Variants in ST6GALNAC3 observed in about 807,000 individuals in gnomAD.
ST6GALNAC3 encodes ST6 N-acetylgalactosaminide alpha-2,6-sialyltransferase 3, also known as alpha-N-acetylgalactosaminide alpha-2,6-sialyltransferase 3.
In ST6GALNAC3, 25 loss-of-function variants were observed where a neutral mutation model predicts 32.7. The ratio of observed to expected loss-of-function variants is 0.76; its 90% CI spans 0.56 to 1.07. ST6GALNAC3 has a LOEUF of 1.07. Ranked by LOEUF, ST6GALNAC3 falls within the 50% of genes least tolerant of loss-of-function variation. The pLI is 0.00. For synonymous variants in ST6GALNAC3, 129 were observed against 133.1 expected, an observed-to-expected ratio of 0.97 and a Z score of 0.21; for missense variants, 355 against 382.4, an observed-to-expected ratio of 0.93 and a Z score of 0.60.
rs1646788315 is a variant in ST6GALNAC3 at position 76,074,780 on chromosome 1, C to A, written c.-87C>A. 6.9e-7 allele frequency: 1 copy of A among 1,456,858 alleles called. No homozygotes were observed. The highest frequency in any genetic ancestry group is 9.3e-7 in the Non-Finnish European group (1 of 1,070,076). 90.2% of individuals were successfully genotyped at this position (1,456,858 alleles called of 1,614,324 possible). ...GGAATGTGGGCTGGAGAGGTCCTGC[C>A]GTGGTACCAGCCTCCAGCCTGCCCC... On this transcript the variant is annotated 5_prime_UTR_variant, in exon 1 of 5. Transcript: ENST00000328299.
At chr1:76,287,602 C>A (rs1276508559) in intron 1 of ST6GALNAC3, among the ~76,000 whole-genome samples, 3 of 152,096 alleles carry the variant, frequency 2.0e-5, no homozygotes, top group Non-Finnish European at 4.4e-5. Context: ...CTGGTAGCAG[C>A]AGGTTAATTA....
At chr1:76,581,598 A>C (rs1458911533) in intron 3 of ST6GALNAC3, among the ~76,000 whole-genome samples, 1 of 152,208 alleles carries the variant, frequency 6.6e-6, no homozygotes, top group Non-Finnish European at 1.5e-5. Context: ...CTCCAAAGTA[A>C]ATAATTTTTG....
chr1:76,099,567 AG>A (rs199699520), intron 1 of ST6GALNAC3, among the ~76,000 whole-genome samples: 9,943 of 152,242 alleles, frequency 0.065, 1,106 homozygotes, highest in African/African-American at 0.23. Flanking sequence ...AAAAGAAGCC[AG>A]ACATGAAAGA....
At chr1:76,196,672 G>T (rs1041198194) in intron 1 of ST6GALNAC3, among the ~76,000 whole-genome samples, 50 of 151,992 alleles carry the variant, frequency 3.3e-4, no homozygotes, top group African/African-American at 1.1e-3. Context: ...CACCATGTTG[G>T]CCAGGCTGGT....
intron 3 of ST6GALNAC3, among the ~76,000 whole-genome samples, chr1:76,554,870 T>C (rs1376615070): frequency 6.6e-6 from 1 of 152,182 alleles, no homozygotes; most frequent in African/African-American, 2.4e-5. Flanking sequence ...ATGCAAGACT[T>C]ACTAAATGTT....
At chr1:76,124,798 A>G (rs1282940406) in intron 1 of ST6GALNAC3, among the ~76,000 whole-genome samples, 1 of 152,180 alleles carries the variant, frequency 6.6e-6, no homozygotes, top group Non-Finnish European at 1.5e-5. Flanking sequence ...AAATATTTGT[A>G]TACAACTATT....
At chr1:76,354,537 A>G (rs1176226925) in intron 2 of ST6GALNAC3, among the ~76,000 whole-genome samples, 1 of 152,170 alleles carries the variant, frequency 6.6e-6, no homozygotes, top group Non-Finnish European at 1.5e-5. Flanking sequence ...AAATTCTTAA[A>G]TGCTGAAGGT....
At chr1:76,195,163 A>G (rs572921919) in intron 1 of ST6GALNAC3, among the ~76,000 whole-genome samples, 4 of 152,364 alleles carry the variant, frequency 2.6e-5, no homozygotes, top group African/African-American at 9.6e-5. Flanking sequence ...TATCATTGGC[A>G]TCAATGACTA....
At chr1:76,254,079 G>T (rs1043917294) in intron 1 of ST6GALNAC3, among the ~76,000 whole-genome samples, 2 of 152,100 alleles carry the variant, frequency 1.3e-5, no homozygotes, top group East Asian at 3.9e-4. Context: ...CTTGGAAAAT[G>T]ACTTTATTTC....
intron 2 of ST6GALNAC3, among the ~76,000 whole-genome samples, chr1:76,374,035 G>A (rs1332084552): frequency 1.3e-5 from 2 of 152,112 alleles, no homozygotes; most frequent in Non-Finnish European, 2.9e-5. Flanking sequence ...TGTGGTTTAT[G>A]CAGCCTATAC....
At chr1:76,244,127 C>T (rs534873420) in intron 1 of ST6GALNAC3, among the ~76,000 whole-genome samples, 2 of 151,982 alleles carry the variant, frequency 1.3e-5, no homozygotes, top group South Asian at 4.2e-4. Context: ...TTTCTTTGAG[C>T]AGTGGTTTGT....
At position 76,102,664 on chromosome 1, in the gene ST6GALNAC3, A is replaced by G. The variant is rs113846503; in HGVS notation, c.18+27780A>G. 4.4e-4 allele frequency among the ~76,000 whole-genome samples: 66 copies of G among 151,376 alleles called. 5 individuals are homozygous for G. Among genetic ancestry groups the G allele is most frequent in the African/African-American group, 1.4e-3 (57 of 41,232 alleles). On this transcript the variant is annotated intron_variant, in intron 1 of 4. Coordinates refer to ENST00000328299, the MANE Select transcript of ST6GALNAC3 (RefSeq NM_152996.4). ...TTAGACCACTTTAATGGCATTTATCACTCTCTTGACTTCTGTGTCATTGTT... is the reference window on the plus strand; with the variant it reads ...TTAGACCACTTTAATGGCATTTATCGCTCTCTTGACTTCTGTGTCATTGTT...
chr1:76,199,330 T>A (rs1373213823), intron 1 of ST6GALNAC3, among the ~76,000 whole-genome samples: 1 of 152,240 alleles, frequency 6.6e-6, no homozygotes, highest in Non-Finnish European at 1.5e-5. Flanking sequence ...AGAGGCTTTA[T>A]AATGGAGACA....
rs771765935 is a variant in ST6GALNAC3 at position 76,628,794 on chromosome 1, G to A, written c.906G>A (p.Trp302Ter). 1.2e-6 allele frequency: 2 copies of A among 1,610,914 alleles called. No individual in the cohort carries two copies. The highest frequency in any genetic ancestry group is 2.2e-5 in the East Asian group (1 of 44,822). The change falls in exon 5 of 5, where the codon TGG becomes TGA. Residue 302 changes from tryptophan (W) to a stop codon, truncating the protein, a stop_gained. Coordinates refer to ENST00000328299, the MANE Select transcript of ST6GALNAC3 (RefSeq NM_152996.4). LOFTEE classifies it high-confidence loss of function. ...KHRIIFTHPNWTLS is the reference protein window; with the variant it reads ...KHRIIFTHPN ...GGATAATATTTACACATCCAAACTG[G>A]ACATTGTCTTGATAATGGTTTTCCT...
chr1:76,379,934 G>A (rs1005637268), intron 2 of ST6GALNAC3, among the ~76,000 whole-genome samples: 68 of 152,282 alleles, frequency 4.5e-4, no homozygotes, highest in African/African-American at 1.5e-3. Flanking sequence ...AGAGGAAGGG[G>A]GAGGATATGG....
rs1649235741 is a variant in ST6GALNAC3, at chr1:76,630,444, C to T, written c.*1638C>T. ...CTAGGATTGAGACAATTCTATTTTT[C>T]ATATACTCGTTGCTCATTAAATAGT... is the stretch of plus-strand genomic sequence containing the variant. On this transcript the variant is annotated 3_prime_UTR_variant, in exon 5 of 5. Transcript: ENST00000328299. 1 of 985,116 alleles carries T rather than the reference C, an allele frequency of 1.0e-6. No individual in the cohort carries two copies. The highest frequency in any genetic ancestry group is 1.2e-6 in the Non-Finnish European group (1 of 829,798). The allele number at this position is 985,116 out of a possible 1,614,324, so 61.0% of individuals were successfully genotyped here.
chr1:76,450,167 T>C (rs183241982), intron 3 of ST6GALNAC3, among the ~76,000 whole-genome samples: 58 of 152,262 alleles, frequency 3.8e-4, no homozygotes, highest in Admixed American at 1.1e-3. Context: ...TTTCTAGTGG[T>C]TGTACTAATT....
chr1:76,471,422 A>G lies in ST6GALNAC3; in HGVS notation c.623+59005A>G, dbSNP rs149530541. Among the ~76,000 whole-genome samples the G allele has an allele frequency of 5.0e-3, 766 of 152,240 alleles. 7 individuals are homozygous for G. Among genetic ancestry groups the G allele is most frequent in the African/African-American group, 0.017 (687 of 41,556 alleles). On this transcript the variant is annotated intron_variant, in intron 3 of 4. Transcript: ENST00000328299. ...TTAAAAATATGTTTTTCTACTTTGT[A>G]TCAGTGTTCTTGGTGCTCTTGTCTT...
At chr1:76,431,658 A>C (rs1404850442) in intron 3 of ST6GALNAC3, among the ~76,000 whole-genome samples, 1 of 152,194 alleles carries the variant, frequency 6.6e-6, no homozygotes, top group Non-Finnish European at 1.5e-5. Flanking sequence ...ACATGGGAAT[A>C]GAACAAGAAG....
Sources: gnomAD v4.1 joint callset for allele counts (sites outside exome capture counted in the v4.1 genomes callset) on GRCh38, gnomAD v4.1.1 for gene constraint, MANE v1.5 for transcripts, NCBI Gene and HGNC (gene_info 2026-07-23, HGNC 2026-07-21) for gene names.